The following CCL28 variants were observed in gnomAD, a reference collection of about 807,000 sequenced individuals.
CCL28 encodes the protein C-C motif chemokine ligand 28.
Under a neutral mutation model 7.1 loss-of-function variants are expected in CCL28, and 4 were observed. The ratio of observed to expected loss-of-function variants is 0.56; its 90% CI spans 0.28 to 1.29. CCL28 has a LOEUF of 1.29. Ranked by LOEUF, CCL28 falls within the 50% of genes most tolerant of loss-of-function variation. The pLI is 0.11. For synonymous variants in CCL28, 55 were observed against 57.8 expected, an observed-to-expected ratio of 0.95 and a Z score of 0.22; for missense variants, 151 against 163.4, an observed-to-expected ratio of 0.92 and a Z score of 0.41.
intron 2 of CCL28, among the ~76,000 whole-genome samples, chr5:43,383,651 GT>G (rs1381986766): frequency 6.6e-6 from 1 of 152,138 alleles, no homozygotes; most frequent in Non-Finnish European, 1.5e-5. Context: ...AAACGTGGCT[GT>G]AGCACTGTTG....
intron 1 of CCL28, among the ~76,000 whole-genome samples, chr5:43,404,052 C>T (rs71610306): frequency 0.016 from 2,395 of 152,230 alleles, 43 homozygotes; most frequent in East Asian, 0.084. Context: ...CTGAAAGTGA[C>T]GGGGAGAATG....
chr5:43,412,267 AG>A lies in CCL28; in HGVS notation c.49del (p.Leu17TyrfsTer30). On this transcript the variant is annotated frameshift_variant, in exon 1 of 3. Coordinates refer to ENST00000361115, the MANE Select transcript of CCL28 (RefSeq NM_148672.3). LOFTEE classifies it high-confidence loss of function. ...AIVALAVCAA[L>X]HASEAILPIA... Reference sequence around the variant, plus strand: ...CCCCCACTCACCTTCTGAGGCATGTAGGGCCGCACAGACAGCCAAGGCCACG... The same window carrying A: ...CCCCCACTCACCTTCTGAGGCATGTAGGCCGCACAGACAGCCAAGGCCACG... 1.2e-6 allele frequency: 2 copies of A among 1,612,042 alleles called. No individual in the cohort carries two copies. The highest frequency in any genetic ancestry group is 1.7e-6 in the Non-Finnish European group (2 of 1,178,900).
chr5:43,399,294 C>T (rs968512352), intron 1 of CCL28, among the ~76,000 whole-genome samples: 1 of 152,178 alleles, frequency 6.6e-6, no homozygotes, highest in Non-Finnish European at 1.5e-5. Context: ...TGTTACCACT[C>T]TTAGTTCAGG....
At chr5:43,410,107 C>T (rs1322393791) in intron 1 of CCL28, among the ~76,000 whole-genome samples, 1 of 152,230 alleles carries the variant, frequency 6.6e-6, no homozygotes, top group African/African-American at 2.4e-5. Context: ...AAGTTCCAAA[C>T]TGGCACAGGC....
chr5:43,370,842 A>T, the CCL28 span, among the ~76,000 whole-genome samples: 1 of 151,414 alleles, frequency 6.6e-6, no homozygotes, highest in African/African-American at 2.4e-5. Flanking sequence ...CCTGGGTTCA[A>T]GCTATTCCCT....
chr5:43,392,183 C>A (rs2111785908), intron 1 of CCL28, among the ~76,000 whole-genome samples: 1 of 152,276 alleles, frequency 6.6e-6, no homozygotes, highest in East Asian at 1.9e-4. Flanking sequence ...GTGGCGCGAT[C>A]TCGGCTCATT....
chr5:43,410,816 A>G (rs1466347452), intron 1 of CCL28, among the ~76,000 whole-genome samples: 2 of 152,216 alleles, frequency 1.3e-5, no homozygotes, highest in Non-Finnish European at 2.9e-5. Flanking sequence ...AAATAGTGAA[A>G]ATGAGTCCCC....
At chr5:43,388,241 G>T in intron 2 of CCL28, 109 bp downstream of exon 2, 1 of 1,368,904 alleles carries the variant, frequency 7.3e-7, no homozygotes, top group Non-Finnish European at 1.0e-6. Flanking sequence ...CCCTTGTTTG[G>T]ATGATTGTTT....
the CCL28 span, among the ~76,000 whole-genome samples, chr5:43,365,551 C>T: frequency 6.6e-6 from 1 of 152,030 alleles, no homozygotes; most frequent in African/African-American, 2.4e-5. Flanking sequence ...TTCAGGAGCT[C>T]TTGCAAGGCA....
intron 1 of CCL28, among the ~76,000 whole-genome samples, chr5:43,390,188 G>A (rs1025299): frequency 0.1 from 15,911 of 152,160 alleles, 1,679 homozygotes; most frequent in African/African-American, 0.27. Context: ...CTGATAAGAG[G>A]TCGGGGAGGC....
downstream of CCL28, among the ~76,000 whole-genome samples, chr5:43,375,118 T>A (rs893204540): frequency 1.3e-5 from 2 of 151,710 alleles, no homozygotes; most frequent in Non-Finnish European, 2.9e-5. Flanking sequence ...GCCTCCCGAG[T>A]AGCTGGGATT....
At chr5:43,361,654 T>C in the CCL28 span, among the ~76,000 whole-genome samples, 842 of 152,254 alleles carry the variant, frequency 5.5e-3, 5 homozygotes, top group Non-Finnish European at 9.1e-3. Flanking sequence ...CCATCTTGAG[T>C]TGATTTTTAT....
At chr5:43,392,023 T>C (rs1222754406) in intron 1 of CCL28, among the ~76,000 whole-genome samples, 2 of 152,236 alleles carry the variant, frequency 1.3e-5, no homozygotes, top group Non-Finnish European at 2.9e-5. Context: ...CAAACTTTAA[T>C]GTGTATCAAA....
At chr5:43,359,092 G>A in the CCL28 span, among the ~76,000 whole-genome samples, 1 of 152,218 alleles carries the variant, frequency 6.6e-6, no homozygotes, top group Non-Finnish European at 1.5e-5. Context: ...TATGAAAGGG[G>A]CCTGAATTCT....
Position 43,388,436 on chromosome 5 carries a change from T to C in CCL28, c.105A>G (p.Ser35=). The C allele has an allele frequency of 6.2e-7, 1 of 1,614,076 alleles. No homozygotes were observed. The highest frequency in any genetic ancestry group is 8.5e-7 in the Non-Finnish European group (1 of 1,179,998). The change falls in exon 2 of 3, where the codon TCA becomes TCG. Residue 35 remains serine, a synonymous_variant. Transcript: ENST00000361115. The part of the protein sequence containing the change: ...PIASSCCTEV[S]HHISRRLLER... ...CCAGGAGCCTTCTGGAAATATGATG[T>C]GAAACCTCCGTGCAACAGCTGGAGG... is the stretch of plus-strand genomic sequence containing the variant.
chr5:43,375,801 C>T (rs151323245), downstream of CCL28, among the ~76,000 whole-genome samples: 1 of 152,032 alleles, frequency 6.6e-6, no homozygotes, highest in African/African-American at 2.4e-5. Context: ...AAAAAATTAG[C>T]CGGGTGTGGT....
downstream of CCL28, among the ~76,000 whole-genome samples, chr5:43,372,352 A>G (rs1212855285): frequency 6.6e-6 from 1 of 152,122 alleles, no homozygotes; most frequent in Non-Finnish European, 1.5e-5. Context: ...CATTAACACA[A>G]TTATATTCTT....
At chr5:43,383,472 A>G (rs1740204658) in intron 2 of CCL28, among the ~76,000 whole-genome samples, 1 of 152,180 alleles carries the variant, frequency 6.6e-6, no homozygotes. Flanking sequence ...GAAAGTTACA[A>G]ATGAGCTTTA....
the CCL28 span, among the ~76,000 whole-genome samples, chr5:43,365,780 C>T: frequency 6.6e-6 from 1 of 152,350 alleles, no homozygotes; most frequent in South Asian, 2.1e-4. Flanking sequence ...TTCTCCCCAT[C>T]ACTTTCAGGT....
Sources: gnomAD v4.1 joint callset for allele counts (sites outside exome capture counted in the v4.1 genomes callset) on GRCh38, gnomAD v4.1.1 for gene constraint, MANE v1.5 for transcripts, NCBI Gene and HGNC (gene_info 2026-07-23, HGNC 2026-07-21) for gene names.